C7orf57: variants seen among roughly 807,000 people sequenced by gnomAD.
C7orf57 encodes the protein chromosome 7 open reading frame 57, also known as uncharacterized protein C7orf57.
A neutral mutation model predicts 39.0 loss-of-function variants in C7orf57; 33 were observed. The ratio of observed to expected loss-of-function variants is 0.85; its 90% CI spans 0.64 to 1.13. C7orf57 has a LOEUF of 1.13. C7orf57 is among the 50% of genes most tolerant of loss of function. The probability of loss-of-function intolerance (pLI) is 0.00; values close to 1 mark genes in which losing one functional copy is unlikely to be tolerated. For synonymous variants in C7orf57, 124 were observed against 137.1 expected (o/e 0.90, Z 0.67); for missense variants, 346 against 362.3 (o/e 0.95, Z 0.37).
intron 6 of C7orf57, among the ~76,000 whole-genome samples, chr7:48,051,890 TC>T: frequency 8.0e-6 from 1 of 124,244 alleles, no homozygotes; most frequent in Non-Finnish European, 1.7e-5. Context: ...TTTCTTTCTT[TC>T]CTTCCTTCCT....
chr7:48,051,775 TTTC>T (rs764537857), intron 6 of C7orf57, among the ~76,000 whole-genome samples: 9 of 97,792 alleles, frequency 9.2e-5, no homozygotes, highest in Non-Finnish European at 1.6e-4. Context: ...TCTTTCTTTC[TTTC>T]TTTCTTTCTT....
Position 48,050,050 on chromosome 7 carries a change from G to A in C7orf57, c.605+73G>A. The A allele has an allele frequency of 5.1e-6, 5 of 982,706 alleles. No individual in the cohort carries two copies. In the South Asian group the frequency reaches 6.7e-5, roughly 13 times the overall value. The allele number at this position is 982,706 out of a possible 1,614,324, so 60.9% of individuals were successfully genotyped here. On this transcript the variant is annotated intron_variant, in intron 6 of 8. Transcript: ENST00000348904. ...GGCCTTCCGTCTTTCATCCGGTGAT[G>A]ACTGCGCTAGTGACAGCATCCACAC...
intron 6 of C7orf57, among the ~76,000 whole-genome samples, chr7:48,051,762 C>CTTTCTTTCTTTTCT (rs1554299665): frequency 2.9e-5 from 1 of 34,674 alleles, no homozygotes; most frequent in East Asian, 4.9e-4. Context: ...TTCTTTCTTT[C>CTTTCTTTCTTTTCT]TTTCTTTCTT....
At position 48,049,900 on chromosome 7, in the gene C7orf57, C is replaced by T; in HGVS notation, c.528C>T (p.Asp176=). 6.2e-7 allele frequency: 1 copy of T among 1,613,730 alleles called. No homozygotes were observed. Among genetic ancestry groups the T allele is most frequent in the African/African-American group, 1.3e-5 (1 of 75,038 alleles). Residue 176 remains aspartate, a synonymous_variant, in exon 6 of 9, where the codon GAC becomes GAT. Coordinates refer to ENST00000348904, the MANE Select transcript of C7orf57 (RefSeq NM_001100159.3). ...CACAGCTGAGGCTACCGGCCATTGA[C>T]TCAAAGTATCTGAGCAAAGCAGGCA... The part of the protein sequence containing the change: ...EKKKLRLPAI[D]SKYLSKAGTP...
intron 7 of C7orf57, among the ~76,000 whole-genome samples, chr7:48,053,567 TAA>T (rs911089772): frequency 2.0e-5 from 3 of 152,136 alleles, no homozygotes; most frequent in African/African-American, 7.2e-5. Context: ...TCCTCCCATC[TAA>T]GTCTCCCAAG....
intron 8 of C7orf57, among the ~76,000 whole-genome samples, chr7:48,059,655 G>T (rs1000328380): frequency 6.6e-6 from 1 of 152,088 alleles, no homozygotes; most frequent in South Asian, 2.1e-4. Context: ...CCAGCCTAAG[G>T]CTTCTTCTTA....
chr7:48,038,383 T>TATATATATATATATAG (rs148010398), intron 2 of C7orf57, among the ~76,000 whole-genome samples: 357 of 150,232 alleles, frequency 2.4e-3, no homozygotes, highest in African/African-American at 3.9e-3. Context: ...TCTATATACA[T>TATATATATATATATAG]ATAGATAGAT....
chr7:48,052,059 C>T (rs542676194), intron 6 of C7orf57, among the ~76,000 whole-genome samples: 4 of 150,792 alleles, frequency 2.7e-5, no homozygotes, highest in East Asian at 2.0e-4. Context: ...CTGCAACCTC[C>T]GCCTCCCAAG....
rs763574970 is a variant in C7orf57, at chr7:48,051,829, T to TC, written c.606-871_606-870insC. Among the ~76,000 whole-genome samples, 346 of 44,104 alleles carry TC rather than the reference T, an allele frequency of 7.8e-3. 4 individuals carry two copies. The highest frequency in any genetic ancestry group is 0.013 in the Middle Eastern group (1 of 78). 28.9% of individuals were successfully genotyped at this position (44,104 alleles called of 152,430 possible). On this transcript the variant is annotated intron_variant, in intron 6 of 8. Coordinates refer to ENST00000348904, the MANE Select transcript of C7orf57 (RefSeq NM_001100159.3). ...TTCCTTTTCTCTTCTCTTTCTTTCTTTCTTTCTTTCTTTCTTTCTTTCTTT... is the reference window on the plus strand; with the variant it reads ...TTCCTTTTCTCTTCTCTTTCTTTCTTCTCTTTCTTTCTTTCTTTCTTTCTTT...
At chr7:48,057,928 T>G (rs182995039) in intron 8 of C7orf57, among the ~76,000 whole-genome samples, 31 of 152,306 alleles carry the variant, frequency 2.0e-4, no homozygotes, top group Admixed American at 1.9e-3. Context: ...ATTCTATTAA[T>G]GTAGTATATC....
At position 48,055,802 on chromosome 7, in the gene C7orf57, C is replaced by CT. The variant is rs551529767; in HGVS notation, c.841+1202dup. ...TTGTCACAAATGACAGAATTTACTT[C>CT]TTTTTTAAAGGCTGAATAGTGTTCC... On this transcript the variant is annotated intron_variant, in intron 8 of 8. Coordinates refer to ENST00000348904, the MANE Select transcript of C7orf57 (RefSeq NM_001100159.3). Among the ~76,000 whole-genome samples the CT allele has an allele frequency of 1.9e-3, 290 of 152,238 alleles. 2 individuals carry two copies. Among genetic ancestry groups the CT allele is most frequent in the Admixed American group, 5.9e-3 (90 of 15,290 alleles).
intron 5 of C7orf57, among the ~76,000 whole-genome samples, chr7:48,048,014 T>G (rs1024702302): frequency 1.3e-5 from 2 of 152,242 alleles, no homozygotes; most frequent in Non-Finnish European, 2.9e-5. Flanking sequence ...CTTAAAATGC[T>G]AAATGCTGTA....
intron 7 of C7orf57, 124 bp from the exon 8 acceptor site, chr7:48,054,471 G>T: frequency 2.4e-5 from 14 of 575,580 alleles, no homozygotes; most frequent in Middle Eastern, 4.9e-4. Context: ...TGTCAAGAGT[G>T]TTTTATGACT....
At chr7:48,048,245 T>A (rs1054945629) in intron 5 of C7orf57, among the ~76,000 whole-genome samples, 1 of 152,126 alleles carries the variant, frequency 6.6e-6, no homozygotes, top group Non-Finnish European at 1.5e-5. Flanking sequence ...GGGCTCTGAT[T>A]TCCCTAATAA....
Position 48,054,626 on chromosome 7 carries a change from C to T in C7orf57, c.841+20C>T. ...CTCAAAGTGAGTACTTATAAAGTAA[C>T]CAGCACCAAAACACAAAAAGTCTTA... is the stretch of plus-strand genomic sequence containing the variant. On this transcript the variant is annotated intron_variant, in intron 8 of 8. Coordinates refer to ENST00000348904, the MANE Select transcript of C7orf57 (RefSeq NM_001100159.3). 1 of 1,546,600 alleles carries T rather than the reference C, an allele frequency of 6.5e-7. No homozygotes were observed. The highest frequency in any genetic ancestry group is 8.8e-7 in the Non-Finnish European group (1 of 1,142,836).
At position 48,061,234 on chromosome 7, in the gene C7orf57, T is replaced by C. The variant is rs1791280050; in HGVS notation, c.*962T>C. On this transcript the variant is annotated 3_prime_UTR_variant, in exon 9 of 9. Coordinates refer to ENST00000348904, the MANE Select transcript of C7orf57 (RefSeq NM_001100159.3). Reference sequence around the variant, plus strand: ...ATCAAACTGATATGCTACAGGAGAATGTATGCAATGTGTAAAAAATGCAAA... The same window carrying C: ...ATCAAACTGATATGCTACAGGAGAACGTATGCAATGTGTAAAAAATGCAAA... The C allele has an allele frequency of 6.6e-6, 1 of 152,154 alleles. No individual in the cohort carries two copies. The highest frequency in any genetic ancestry group is 1.5e-5 in the Non-Finnish European group (1 of 68,022). The allele number at this position is 152,154 out of a possible 1,614,324, so 9.4% of individuals were successfully genotyped here.
At chr7:48,059,630 C>T (rs568729721) in intron 8 of C7orf57, among the ~76,000 whole-genome samples, 1 of 152,196 alleles carries the variant, frequency 6.6e-6, no homozygotes, top group African/African-American at 2.4e-5. Flanking sequence ...GGTTTATAGG[C>T]GTGAGCCACC....
chr7:48,057,061 A>C (rs921830605), intron 8 of C7orf57, among the ~76,000 whole-genome samples: 2 of 132,342 alleles, frequency 1.5e-5, no homozygotes, highest in African/African-American at 5.3e-5. Flanking sequence ...GATGCCATAT[A>C]TCTGTTTTTT....
rs1339532449 is a variant in C7orf57, at chr7:48,049,957, T to C, written c.585T>C (p.Ser195=). 5.0e-6 allele frequency: 8 copies of C among 1,611,910 alleles called. No homozygotes were observed. Among genetic ancestry groups the C allele is most frequent in the Non-Finnish European group, 6.8e-6 (8 of 1,178,128 alleles). The stretch of plus-strand genomic sequence containing the variant: ...TTGGCCCTAAGAATCCTGCAGGAAG[T>C]AGACTCTCCTTCCCCCCCGTGTAAG... ...TPLGPKNPAG[S]RLSFPPVPGQ... The change falls in exon 6 of 9, where the codon AGT becomes AGC. Residue 195 remains serine (S), a synonymous_variant. Coordinates refer to ENST00000348904, the MANE Select transcript of C7orf57 (RefSeq NM_001100159.3).
Sources: allele counts gnomAD v4.1 joint callset (sites outside exome capture counted in the v4.1 genomes callset), GRCh38; gene constraint gnomAD v4.1.1; transcripts MANE v1.5; gene names NCBI Gene and HGNC (gene_info 2026-07-23, HGNC 2026-07-21).